The following KCNAB2 variants were observed in gnomAD, a reference collection of about 807,000 sequenced individuals.
The protein encoded by KCNAB2 is voltage-gated potassium channel subunit beta-2.
Under a neutral mutation model 63.6 loss-of-function variants are expected in KCNAB2, and 29 were observed. The ratio of observed to expected loss-of-function variants is 0.46; its 90% CI spans 0.34 to 0.62. The LOEUF (loss-of-function observed/expected upper bound fraction) is 0.62. Ranked by LOEUF, KCNAB2 falls within the 20% of genes least tolerant of loss-of-function variation. KCNAB2 has a pLI of 0.01. For synonymous variants in KCNAB2, 222 were observed against 224.2 expected (o/e 0.99, Z 0.09); for missense variants, 359 against 563.9 (o/e 0.64, Z 3.68).
Position 6,087,417 on chromosome 1 carries a change from C to A in KCNAB2, c.426-50C>A, listed in dbSNP as rs1169290949. 2.5e-6 allele frequency: 4 copies of A among 1,597,528 alleles called. No individual in the cohort carries two copies. In the Admixed American group the frequency reaches 5.0e-5, roughly 20 times the overall value. On this transcript the variant is annotated intron_variant, in intron 6 of 15. Coordinates refer to ENST00000378083, the MANE Select transcript of KCNAB2 (RefSeq NM_001199862.2). This position sits in a 1 kb window ranked among gnomAD's most constrained non-coding sequence, Gnocchi z 6.4. ...GAGGACGTCGGGGATGAAGGAGGAC[C>A]CCCCAGGGGCCGGGCTTATCACACC...
chr1:6,001,744 G>A (rs1425923241), intron 1 of KCNAB2, among the ~76,000 whole-genome samples: 2 of 152,280 alleles, frequency 1.3e-5, no homozygotes, highest in Admixed American at 6.5e-5. Flanking sequence ...GATCCAGTGT[G>A]GGGCAGTGTT....
chr1:6,004,932 G>T (rs1657472438), intron 1 of KCNAB2, among the ~76,000 whole-genome samples: 1 of 150,956 alleles, frequency 6.6e-6, no homozygotes, highest in Admixed American at 6.6e-5. Context: ...GCTGGCTGAG[G>T]GGTGAGGGTG....
intron 1 of KCNAB2, among the ~76,000 whole-genome samples, chr1:5,998,571 G>T (rs1054583120): frequency 3.3e-5 from 5 of 152,158 alleles, no homozygotes; most frequent in African/African-American, 1.2e-4. Flanking sequence ...GTTTGAGAGG[G>T]AAGATGAAGG....
Position 6,098,462 on chromosome 1 carries a change from TTTG to T in KCNAB2, c.1159-14_1159-12del, listed in dbSNP as rs775338882. On this transcript the variant is annotated intron_variant, in intron 15 of 15. Coordinates refer to ENST00000378083, the MANE Select transcript of KCNAB2 (RefSeq NM_001199862.2). The stretch of plus-strand genomic sequence containing the variant: ...GCCCGTCTTGTTGGTGGGATTCTGA[TTTG>T]TTGTTGTTCTTGCACGCAGGTCCTT... 5.0e-6 allele frequency: 8 copies of T among 1,612,032 alleles called. No homozygotes were observed. Among genetic ancestry groups the T allele is most frequent in the African/African-American group, 2.7e-5 (2 of 74,962 alleles).
chr1:6,002,349 C>T (rs1366010467), intron 1 of KCNAB2, among the ~76,000 whole-genome samples: 1 of 152,248 alleles, frequency 6.6e-6, no homozygotes, highest in African/African-American at 2.4e-5. Flanking sequence ...CAAGGGAGGC[C>T]AGAGACAGCC....
chr1:6,053,271 G>C (rs905170120), intron 2 of KCNAB2, among the ~76,000 whole-genome samples: 1 of 152,102 alleles, frequency 6.6e-6, no homozygotes. Flanking sequence ...TGTTTATTCA[G>C]TAAATGTTTA....
chr1:6,047,030 C>A (rs138355938), intron 1 of KCNAB2, among the ~76,000 whole-genome samples: 13 of 152,310 alleles, frequency 8.5e-5, no homozygotes, highest in Admixed American at 3.9e-4. Context: ...CCAGGCAGGC[C>A]CAGCCCAGGA....
intron 11 of KCNAB2, among the ~76,000 whole-genome samples, chr1:6,095,079 G>A (rs1436857690): frequency 6.6e-6 from 1 of 152,260 alleles, no homozygotes; most frequent in Non-Finnish European, 1.5e-5. Flanking sequence ...GTGTGGTTCA[G>A]AGCCTGGGCT....
rs1364497963 is a variant in KCNAB2, at chr1:6,073,696, C to T, written c.263-37C>T. ...ACCGACGGGATAATCTGGCTTCCTGCCAGGTTCCTAACTTGAGCCCCTGTG... is the reference window on the plus strand; with the variant it reads ...ACCGACGGGATAATCTGGCTTCCTGTCAGGTTCCTAACTTGAGCCCCTGTG... On this transcript the variant is annotated intron_variant, in intron 3 of 15. Transcript: ENST00000378083. This position sits in a 1 kb window ranked among gnomAD's most constrained non-coding sequence, Gnocchi z 5.7. The T allele has an allele frequency of 1.2e-6, 2 of 1,611,836 alleles. No individual in the cohort carries two copies. Among genetic ancestry groups the T allele is most frequent in the Admixed American group, 3.3e-5 (2 of 60,018 alleles).
At chr1:6,023,877 A>G (rs1658985889) in intron 1 of KCNAB2, among the ~76,000 whole-genome samples, 2 of 151,432 alleles carry the variant, frequency 1.3e-5, no homozygotes, top group African/African-American at 4.9e-5. Flanking sequence ...GGTTCAAGGG[A>G]TCCTCCCACC....
At chr1:6,018,109 A>G (rs1376667452) in intron 1 of KCNAB2, among the ~76,000 whole-genome samples, 3 of 152,062 alleles carry the variant, frequency 2.0e-5, no homozygotes, top group South Asian at 4.1e-4. Flanking sequence ...TTTTTTTTGT[A>G]ATTTTGTAGA....
chr1:6,067,142 C>T (rs1351900938), intron 2 of KCNAB2, among the ~76,000 whole-genome samples: 1 of 152,230 alleles, frequency 6.6e-6, no homozygotes, highest in Non-Finnish European at 1.5e-5. Flanking sequence ...ATGTAAGTCT[C>T]TGAGTCCAGA....
intron 2 of KCNAB2, among the ~76,000 whole-genome samples, chr1:6,055,821 T>A (rs1040488593): frequency 6.6e-6 from 1 of 152,212 alleles, no homozygotes; most frequent in Admixed American, 6.5e-5. Context: ...GACCACCAGT[T>A]ATTAAAGATC....
intron 2 of KCNAB2, among the ~76,000 whole-genome samples, chr1:6,072,275 G>A (rs918881820): frequency 1.3e-5 from 2 of 152,196 alleles, no homozygotes; most frequent in African/African-American, 4.8e-5. Flanking sequence ...CGCACCCCGA[G>A]GGACAGATGC....
upstream of KCNAB2, among the ~76,000 whole-genome samples, chr1:6,030,859 T>G (rs1046620571): frequency 2.7e-5 from 4 of 148,348 alleles, no homozygotes; most frequent in African/African-American, 5.2e-5. Context: ...TGTGTGTGTA[T>G]GTATGTGTAG....
At chr1:6,076,182 A>T (rs901245390) in intron 4 of KCNAB2, among the ~76,000 whole-genome samples, 10 of 152,222 alleles carry the variant, frequency 6.6e-5, no homozygotes, top group African/African-American at 2.2e-4. Context: ...GCCCAGTTCT[A>T]TGCCATGCCA....
chr1:6,097,796 G>A, intron 15 of KCNAB2: 1 of 362,824 alleles, frequency 2.8e-6, no homozygotes, highest in Non-Finnish European at 5.0e-6. Context: ...AAGGCCTGGA[G>A]CAGAGGGGCA....
chr1:6,076,829 G>A (rs897094126), intron 4 of KCNAB2, among the ~76,000 whole-genome samples: 1 of 152,210 alleles, frequency 6.6e-6, no homozygotes, highest in Non-Finnish European at 1.5e-5. Flanking sequence ...GAACCAAAAA[G>A]TCACAACATA....
At chr1:6,093,747 T>G (rs1189994510) in intron 10 of KCNAB2, among the ~76,000 whole-genome samples, 6 of 152,206 alleles carry the variant, frequency 3.9e-5, no homozygotes, top group Admixed American at 3.3e-4. Flanking sequence ...CTGGGCTGGT[T>G]TGAGAACCTG....
Sources: allele counts gnomAD v4.1 joint callset (sites outside exome capture counted in the v4.1 genomes callset), GRCh38; gene constraint gnomAD v4.1.1; non-coding constraint Gnocchi (gnomAD v3.1); transcripts MANE v1.5; gene names NCBI Gene and HGNC (gene_info 2026-07-23, HGNC 2026-07-21).